The following ZFYVE9 variants were observed in gnomAD, a reference collection of about 807,000 sequenced individuals.
ZFYVE9 encodes zinc finger FYVE domain-containing protein 9.
ZFYVE9 carries 43 observed loss-of-function variants against 126.7 expected under a neutral mutation model. The observed-to-expected ratio is 0.34, with a 90% CI of 0.27 to 0.44. ZFYVE9 has a LOEUF of 0.44. Among genes scored for constraint, ZFYVE9 ranks in the 20% least tolerant of loss-of-function variants. The pLI is 1.00. For missense variants in ZFYVE9, 1,476 were observed against 1,697.0 expected, an observed-to-expected ratio of 0.87 and a Z score of 2.29; for synonymous variants, 521 against 597.4, an observed-to-expected ratio of 0.87 and a Z score of 1.87.
chr1:52,159,865 G>A (rs537889769), intron 1 of ZFYVE9, among the ~76,000 whole-genome samples: 442 of 151,314 alleles, frequency 2.9e-3, no homozygotes, highest in Middle Eastern at 6.8e-3. Flanking sequence ...GCGAGATCTC[G>A]GCTCACTGCA....
chr1:52,195,498 GAGA>G (rs1412407523), intron 1 of ZFYVE9, among the ~76,000 whole-genome samples: 2 of 152,194 alleles, frequency 1.3e-5, no homozygotes, highest in Non-Finnish European at 2.9e-5. Flanking sequence ...AGAGCATTAA[GAGA>G]AGATCTCTGC....
intron 1 of ZFYVE9, among the ~76,000 whole-genome samples, chr1:52,171,862 G>A (rs1209806648): frequency 6.6e-6 from 1 of 151,986 alleles, no homozygotes; most frequent in Non-Finnish European, 1.5e-5. Context: ...TTTTTTTCTT[G>A]TAAATTTGTT....
At chr1:52,285,962 C>T (rs1031568186) in intron 10 of ZFYVE9, among the ~76,000 whole-genome samples, 1 of 152,104 alleles carries the variant, frequency 6.6e-6, no homozygotes, top group Non-Finnish European at 1.5e-5. Flanking sequence ...CAAGACCATC[C>T]TGGCCAACAT....
At chr1:52,144,614 AAT>A (rs1159107302) in intron 1 of ZFYVE9, among the ~76,000 whole-genome samples, 1 of 151,842 alleles carries the variant, frequency 6.6e-6, no homozygotes, top group Non-Finnish European at 1.5e-5. Flanking sequence ...CTTTAGTGGC[AAT>A]AGTCATTTCT....
chr1:52,345,878 CAGG>C (rs1646479006), intron 18 of ZFYVE9, 179 bp from the exon 19 acceptor site: 1 of 532,988 alleles, frequency 1.9e-6, no homozygotes, highest in Non-Finnish European at 3.0e-6. Context: ...GTCAAGTGGT[CAGG>C]AGGAGTAAAC....
chr1:52,316,180 A>AAG lies in ZFYVE9; in HGVS notation c.3438+12256_3438+12257insGA, dbSNP rs1262573343. 8.8e-4 allele frequency among the ~76,000 whole-genome samples: 129 copies of AAG among 146,872 alleles called. 1 individual carries two copies. Among genetic ancestry groups the AAG allele is most frequent in the African/African-American group, 2.8e-3 (113 of 40,268 alleles). On this transcript the variant is annotated intron_variant, in intron 13 of 18. Transcript: ENST00000287727. ...AACTCCATCTCAAAAAAAAAAAAAA[A>AAG]AAAAAAAAAAGAAAAGAAACCACAG... is the stretch of plus-strand genomic sequence containing the variant.
chr1:52,166,675 G>A (rs1644516918), intron 1 of ZFYVE9, among the ~76,000 whole-genome samples: 1 of 152,226 alleles, frequency 6.6e-6, no homozygotes, highest in Middle Eastern at 3.4e-3. Context: ...AGCGTGAGGA[G>A]GCCAAGGTAG....
chr1:52,285,925 C>T lies in ZFYVE9; in HGVS notation c.3025+4109C>T, dbSNP rs570884442. 1.8e-4 allele frequency among the ~76,000 whole-genome samples: 27 copies of T among 152,168 alleles called. No individual in the cohort carries two copies. In the South Asian group the frequency reaches 4.4e-3, roughly 25 times the overall value. Reference sequence around the variant, plus strand: ...ATCCCAGCACTTTGGCAGGCCAAGCCGGGTGGATCACCTTAGCTCAGGAGT... The same window carrying T: ...ATCCCAGCACTTTGGCAGGCCAAGCTGGGTGGATCACCTTAGCTCAGGAGT... On this transcript the variant is annotated intron_variant, in intron 10 of 18. Transcript: ENST00000287727.
chr1:52,231,080 G>A (rs1288328069), intron 2 of ZFYVE9, among the ~76,000 whole-genome samples: 1 of 152,160 alleles, frequency 6.6e-6, no homozygotes, highest in Non-Finnish European at 1.5e-5. Flanking sequence ...TATATTGAAT[G>A]TGTCAGATTG....
intron 15 of ZFYVE9, 115 bp downstream of exon 15, chr1:52,334,883 C>G: frequency 9.9e-7 from 1 of 1,013,470 alleles, no homozygotes; most frequent in Non-Finnish European, 1.5e-6. Flanking sequence ...AGTAGCATCT[C>G]TTCAGCAAAT....
chr1:52,282,354 A>G (rs1240832269), intron 10 of ZFYVE9, among the ~76,000 whole-genome samples: 2 of 152,226 alleles, frequency 1.3e-5, no homozygotes, highest in East Asian at 3.8e-4. Flanking sequence ...ACATTATTTG[A>G]CATTATAGTT....
rs562398307 is a variant in ZFYVE9 at position 52,238,644 on chromosome 1, G to A, written c.1227G>A (p.Glu409=). The change falls in exon 4 of 19, where the codon GAG becomes GAA. Residue 409 remains glutamate (E), a synonymous_variant. Coordinates refer to ENST00000287727, the MANE Select transcript of ZFYVE9 (RefSeq NM_004799.4). ...MTNWKLTKLN[E]MNDSQVNEEK... ...ATTGGAAGTTGACTAAACTAAATGAGATGAATGATAGCCAAGTAAACGAAG... is the reference window on the plus strand; with the variant it reads ...ATTGGAAGTTGACTAAACTAAATGAAATGAATGATAGCCAAGTAAACGAAG... The A allele has an allele frequency of 1.2e-6, 2 of 1,614,068 alleles. No individual in the cohort carries two copies. Among genetic ancestry groups the A allele is most frequent in the South Asian group, 1.1e-5 (1 of 91,054 alleles).
intron 9 of ZFYVE9, among the ~76,000 whole-genome samples, chr1:52,278,988 C>T (rs1645776182): frequency 6.6e-6 from 1 of 152,074 alleles, no homozygotes; most frequent in South Asian, 2.1e-4. Flanking sequence ...ATCCGCCCGC[C>T]TCAGCCTCCC....
chr1:52,337,309 T>C (rs1371711974), intron 15 of ZFYVE9, among the ~76,000 whole-genome samples: 1 of 152,212 alleles, frequency 6.6e-6, no homozygotes, highest in Non-Finnish European at 1.5e-5. Context: ...TGCTAGTCAA[T>C]AAATGGATTT....
intron 13 of ZFYVE9, among the ~76,000 whole-genome samples, chr1:52,317,546 G>A (rs1294846780): frequency 6.6e-6 from 1 of 151,424 alleles, no homozygotes; most frequent in Non-Finnish European, 1.5e-5. Flanking sequence ...TCTACCTTAA[G>A]TAATTAGACA....
intron 1 of ZFYVE9, among the ~76,000 whole-genome samples, chr1:52,173,589 C>T (rs1251300225): frequency 1.3e-5 from 2 of 152,172 alleles, no homozygotes; most frequent in Non-Finnish European, 2.9e-5. Flanking sequence ...ACCAGTTCCT[C>T]CTTGTACCTC....
intron 13 of ZFYVE9, among the ~76,000 whole-genome samples, chr1:52,308,064 C>T (rs1646102611): frequency 6.6e-6 from 1 of 152,122 alleles, no homozygotes; most frequent in Non-Finnish European, 1.5e-5. Flanking sequence ...AAACAATTTT[C>T]CTTCTGATTT....
chr1:52,257,486 A>G (rs1229730141), intron 4 of ZFYVE9, among the ~76,000 whole-genome samples: 6 of 152,212 alleles, frequency 3.9e-5, no homozygotes, highest in African/African-American at 1.4e-4. Context: ...CGTATAGAAT[A>G]TATATTATAA....
At chr1:52,288,925 CAAAAAAAAAAA>C (rs775138803) in intron 10 of ZFYVE9, among the ~76,000 whole-genome samples, 1 of 62,058 alleles carries the variant, frequency 1.6e-5, no homozygotes, top group African/African-American at 5.5e-5. Flanking sequence ...GACTCTGTCT[CAAAAAAAAAAA>C]AAAAAAAAAA....
Sources: allele counts gnomAD v4.1 joint callset (sites outside exome capture counted in the v4.1 genomes callset), GRCh38; gene constraint gnomAD v4.1.1; transcripts MANE v1.5; gene names NCBI Gene and HGNC (gene_info 2026-07-23, HGNC 2026-07-21).